The following PDE6B variants were observed in gnomAD, a reference collection of about 807,000 sequenced individuals.
PDE6B encodes phosphodiesterase 6B, also known as rod cGMP-specific 3',5'-cyclic phosphodiesterase subunit beta.
PDE6B carries 106 observed loss-of-function variants against 109.0 expected under a neutral mutation model. The ratio of observed to expected loss-of-function variants is 0.97; its 90% confidence interval spans 0.83 to 1.14. The LOEUF (loss-of-function observed/expected upper bound fraction) is 1.14, where lower values mean the gene tolerates loss of function less well. Ranked by LOEUF, PDE6B falls within the 50% of genes most tolerant of loss-of-function variation. The pLI, the probability that PDE6B is intolerant of heterozygous loss-of-function variation, is 0.00. For synonymous variants in PDE6B, 490 were observed against 471.3 expected (o/e 1.04, Z -0.51); for missense variants, 1,193 against 1,155.6 (o/e 1.03, Z -0.47).
In PDE6B at chr4:625,908, C is replaced by T; in HGVS notation, c.282C>T (p.Leu94=). 1 of 1,603,262 alleles carries T rather than the reference C, an allele frequency of 6.2e-7. No homozygotes were observed. The highest frequency in any genetic ancestry group is 8.5e-7 in the Non-Finnish European group (1 of 1,175,618). ...CTLLQADRCS[L]FMYRQRNGVA... is the part of the protein sequence containing the mutation. ...TCCTGCAGGCCGACCGCTGCAGCCT[C>T]TTCATGTACCGCCAGCGCAACGGCG... The change falls in exon 1 of 22, where the codon CTC becomes CTT. Residue 94 remains leucine (L), a synonymous_variant. Coordinates refer to ENST00000496514, the MANE Select transcript of PDE6B (RefSeq NM_000283.4). The surrounding 1 kb of genome is among the most constrained non-coding windows in gnomAD (Gnocchi z 5.0).
Position 663,716 on chromosome 4 carries a change from G to C in PDE6B, c.1921-54G>C, listed in dbSNP as rs567532101. Reference sequence around the variant, plus strand: ...GAGGCGGAAGGGGCGGGGTCCCCGGGCACCCTGAGAGGTGGCCGCAGGGCG... The same window carrying C: ...GAGGCGGAAGGGGCGGGGTCCCCGGCCACCCTGAGAGGTGGCCGCAGGGCG... On this transcript the variant is annotated intron_variant, in intron 15 of 21. Transcript: ENST00000496514. The surrounding 1 kb of genome is among the most constrained non-coding windows in gnomAD (Gnocchi z 4.0). The C allele has an allele frequency of 1.3e-5, 18 of 1,345,954 alleles. No homozygotes were observed. The highest frequency in any genetic ancestry group is 3.6e-4 in the Middle Eastern group (2 of 5,570). 83.4% of individuals were successfully genotyped at this position (1,345,954 alleles called of 1,614,324 possible).
rs141521651 is a variant in PDE6B at position 663,808 on chromosome 4, C to T, written c.1959C>T (p.His653=). Residue 653 remains histidine (H), a synonymous_variant, in exon 16 of 22, where the codon CAC becomes CAT. Coordinates refer to ENST00000496514, the MANE Select transcript of PDE6B (RefSeq NM_000283.4). The surrounding 1 kb of genome is among the most constrained non-coding windows in gnomAD (Gnocchi z 4.0). ...NIYQNLNRRQ[H]EHVIHLMDIA... Reference sequence around the variant, plus strand: ...ACCAGAACCTGAACCGGCGGCAGCACGAGCACGTGATCCACCTGATGGACA... The same window carrying T: ...ACCAGAACCTGAACCGGCGGCAGCATGAGCACGTGATCCACCTGATGGACA... The T allele has an allele frequency of 1.5e-5, 24 of 1,612,152 alleles. No homozygotes were observed. Among genetic ancestry groups the T allele is most frequent in the African/African-American group, 6.7e-5 (5 of 74,918 alleles).
intron 5 of PDE6B, 41 bp from the exon 6 acceptor site, chr4:654,783 T>C: frequency 9.6e-7 from 1 of 1,041,812 alleles, no homozygotes; most frequent in South Asian, 1.3e-5. Context: ...CCCTCAGAGC[T>C]TGGCCAGGCA....
At chr4:651,862 A>C (rs1735588346) in intron 3 of PDE6B, 1 of 153,202 alleles carries the variant, frequency 6.5e-6, no homozygotes. Flanking sequence ...TGACTTCTTC[A>C]CACGGGCATG....
chr4:626,951 C>T lies in PDE6B; in HGVS notation c.468+857C>T, dbSNP rs1734137997. ...GAAGGGGAGGGGGGAAGCCCCTTCT[C>T]CCTGTCCTGCACCCGTCCCAGCTTC... On this transcript the variant is annotated intron_variant, in intron 1 of 21. Coordinates refer to ENST00000496514, the MANE Select transcript of PDE6B (RefSeq NM_000283.4). The surrounding 1 kb of genome is among the most constrained non-coding windows in gnomAD (Gnocchi z 4.6). Among the ~76,000 whole-genome samples the T allele has an allele frequency of 6.6e-6, 1 of 152,138 alleles. No individual in the cohort carries two copies. Among genetic ancestry groups the T allele is most frequent in the East Asian group, 1.9e-4 (1 of 5,174 alleles).
At chr4:640,534 A>G (rs1484971257) in intron 3 of PDE6B, among the ~76,000 whole-genome samples, 2 of 152,098 alleles carry the variant, frequency 1.3e-5, no homozygotes, top group South Asian at 2.1e-4. Context: ...GTGAGACTCC[A>G]TCTTGGGAAA....
chr4:657,247 C>T, intron 9 of PDE6B, 104 bp from the exon 10 acceptor site: 2 of 1,358,538 alleles, frequency 1.5e-6, no homozygotes, highest in Non-Finnish European at 2.1e-6. Context: ...ACCATGGTGG[C>T]AGCCCCAGGA....
rs758399161 is a variant in PDE6B at position 665,227 on chromosome 4, AC to A, written c.2194-27del. 10 of 1,577,756 alleles carry A rather than the reference AC, an allele frequency of 6.3e-6. No homozygotes were observed. In the South Asian group the frequency reaches 1.0e-4, roughly 16 times the overall value. On this transcript the variant is annotated intron_variant, in intron 18 of 21. Coordinates refer to ENST00000496514, the MANE Select transcript of PDE6B (RefSeq NM_000283.4). The surrounding 1 kb of genome is among the most constrained non-coding windows in gnomAD (Gnocchi z 4.0). ...CCCTTCCGCGTGGGCTCAGAGCTCC[AC>A]AGACAGCTGCCTTCCTGTGCCTCCA...
rs1737369680 is a variant in PDE6B at position 663,455 on chromosome 4, A to T, written c.1920+268A>T. 6.6e-6 allele frequency among the ~76,000 whole-genome samples: 1 copy of T among 152,156 alleles called. No individual in the cohort carries two copies. Among genetic ancestry groups the T allele is most frequent in the Non-Finnish European group, 1.5e-5 (1 of 68,010 alleles). ...CCGAAGGGGAAGCGGCCCGGGACCCACCAGCGGGGGAATGAAGGGCAGCCG... is the reference window on the plus strand; with the variant it reads ...CCGAAGGGGAAGCGGCCCGGGACCCTCCAGCGGGGGAATGAAGGGCAGCCG... On this transcript the variant is annotated intron_variant, in intron 15 of 21. Transcript: ENST00000496514. The surrounding 1 kb of genome is among the most constrained non-coding windows in gnomAD (Gnocchi z 4.0).
chr4:662,172 C>A lies in PDE6B; in HGVS notation c.1653C>A (p.Tyr551Ter). 6.3e-7 allele frequency: 1 copy of A among 1,578,732 alleles called. No individual in the cohort carries two copies. ...TCCTGTTCTCCATCAGCAAAGGGTA[C>A]CGGAGAATCACCTACCACAACTGGC... ...VRFLFSISKG[Y>*]RRITYHNWRH... The change falls in exon 13 of 22, where the codon TAC (tyrosine) becomes TAA (stop). Residue 551 changes from tyrosine (Y) to a stop codon, truncating the protein, a stop_gained. Transcript: ENST00000496514. LOFTEE classifies it high-confidence loss of function. This position sits in a 1 kb window ranked among gnomAD's most constrained non-coding sequence, Gnocchi z 4.3.
chr4:655,825 G>A (rs578240946), intron 6 of PDE6B, 115 bp from the exon 7 acceptor site: 48 of 763,614 alleles, frequency 6.3e-5, no homozygotes, highest in African/African-American at 5.1e-4. Flanking sequence ...GCACACACAC[G>A]TGCAGCCTAG....
intron 3 of PDE6B, among the ~76,000 whole-genome samples, chr4:643,225 T>C (rs1450301330): frequency 6.6e-6 from 1 of 152,036 alleles, no homozygotes; most frequent in East Asian, 1.9e-4. Context: ...GGAGAATCAC[T>C]TGAACCCGGG....
At position 662,760 on chromosome 4, in the gene PDE6B, C is replaced by A; in HGVS notation, c.1832+142C>A. On this transcript the variant is annotated intron_variant, in intron 14 of 21. Transcript: ENST00000496514. The surrounding 1 kb of genome is among the most constrained non-coding windows in gnomAD (Gnocchi z 4.3). ...ACTCCAGCACTGTGGGAGGCCAAGG[C>A]GAGGGGATTGCTTGAGCCCAGGAGT... The A allele has an allele frequency of 1.5e-6, 1 of 673,536 alleles. No individual in the cohort carries two copies. The highest frequency in any genetic ancestry group is 2.7e-6 in the Non-Finnish European group (1 of 369,832). The allele number at this position is 673,536 out of a possible 1,614,324, so 41.7% of individuals were successfully genotyped here.
rs2109215372 is a variant in PDE6B, at chr4:657,034, G to A, written c.1257+11G>A. 1 of 1,612,492 alleles carries A rather than the reference G, an allele frequency of 6.2e-7. No homozygotes were observed. The highest frequency in any genetic ancestry group is 8.5e-7 in the Non-Finnish European group (1 of 1,179,552). On this transcript the variant is annotated intron_variant, in intron 9 of 21. Transcript: ENST00000496514. ...GAGGTTCTCATGGAGGTAAGCACCTGGGCAGACGTGGTTCCGCCGGGGATG... is the reference window on the plus strand; with the variant it reads ...GAGGTTCTCATGGAGGTAAGCACCTAGGCAGACGTGGTTCCGCCGGGGATG...
rs191792236 is a variant in PDE6B, at chr4:648,176, C to T, written c.712-5676C>T. 1.9e-3 allele frequency among the ~76,000 whole-genome samples: 285 copies of T among 152,124 alleles called. 5 individuals are homozygous for T. The highest frequency in any genetic ancestry group is 6.6e-3 in the African/African-American group (273 of 41,408). On this transcript the variant is annotated intron_variant, in intron 3 of 21. Transcript: ENST00000496514. This position sits in a 1 kb window ranked among gnomAD's most constrained non-coding sequence, Gnocchi z 4.5. ...CCAGGCAACAAGTGAATTACCAACACCTAGGAAACTCCTTGTTTCCAGCCT... is the reference window on the plus strand; with the variant it reads ...CCAGGCAACAAGTGAATTACCAACATCTAGGAAACTCCTTGTTTCCAGCCT...
chr4:663,909 C>T lies in PDE6B; in HGVS notation c.2021+39C>T, dbSNP rs927155969. ...GGGAGGGGGCGCCTCGCGGGGCGGGCGGGTAGCCTGGGACCCCCGGCAGAC... is the reference window on the plus strand; with the variant it reads ...GGGAGGGGGCGCCTCGCGGGGCGGGTGGGTAGCCTGGGACCCCCGGCAGAC... On this transcript the variant is annotated intron_variant, in intron 16 of 21. Transcript: ENST00000496514. This position sits in a 1 kb window ranked among gnomAD's most constrained non-coding sequence, Gnocchi z 4.0. The T allele has an allele frequency of 4.0e-6, 6 of 1,488,590 alleles. No homozygotes were observed. The highest frequency in any genetic ancestry group is 1.2e-5 in the South Asian group (1 of 85,980). 92.2% of individuals were successfully genotyped at this position (1,488,590 alleles called of 1,614,324 possible).
chr4:653,485 G>T (rs1039923116), intron 3 of PDE6B: 4 of 507,992 alleles, frequency 7.9e-6, no homozygotes, highest in African/African-American at 5.9e-5. Context: ...ACCACGGCCC[G>T]ATGTTCTCAA....
Position 666,422 on chromosome 4 carries a change from A to G in PDE6B, c.2269-109A>G. The stretch of plus-strand genomic sequence containing the variant: ...AGTTTCTGTCAGGCAGGCTCGTCCC[A>G]GGCTGTGTCTCCATGAGCACATCTG... On this transcript the variant is annotated intron_variant, in intron 19 of 21. Coordinates refer to ENST00000496514, the MANE Select transcript of PDE6B (RefSeq NM_000283.4). The surrounding 1 kb of genome is among the most constrained non-coding windows in gnomAD (Gnocchi z 5.6). The G allele has an allele frequency of 1.3e-6, 1 of 771,566 alleles. No homozygotes were observed. The allele number at this position is 771,566 out of a possible 1,614,324, so 47.8% of individuals were successfully genotyped here.
chr4:654,661 C>A, intron 5 of PDE6B, 163 bp from the exon 6 acceptor site: 1 of 732,732 alleles, frequency 1.4e-6, no homozygotes, highest in Non-Finnish European at 2.5e-6. Context: ...AGAATACCTG[C>A]GCACGGCGGA....
Sources: gnomAD v4.1 joint callset for allele counts (sites outside exome capture counted in the v4.1 genomes callset) on GRCh38, gnomAD v4.1.1 for gene constraint, Gnocchi (gnomAD v3.1) non-coding constraint, MANE v1.5 for transcripts, NCBI Gene and HGNC (gene_info 2026-07-23, HGNC 2026-07-21) for gene names.